The following AGPAT3 variants were observed in gnomAD, a reference collection of about 807,000 sequenced individuals.
The protein encoded by AGPAT3 is 1-acyl-sn-glycerol-3-phosphate acyltransferase gamma.
A neutral mutation model predicts 47.3 loss-of-function variants in AGPAT3; 5 were observed. The observed-to-expected ratio is 0.11, with a 90% CI of 0.06 to 0.22. The LOEUF (loss-of-function observed/expected upper bound fraction) is 0.22, where lower values mean the gene tolerates loss of function less well. Ranked by LOEUF, AGPAT3 falls within the 10% of genes least tolerant of loss-of-function variation. AGPAT3 has a pLI of 1.00. For missense variants in AGPAT3, 315 were observed against 493.0 expected (o/e 0.64, Z 3.42); for synonymous variants, 212 against 208.3 (o/e 1.02, Z -0.15).
chr21:43,923,484 C>G (rs1178927212), intron 2 of AGPAT3, among the ~76,000 whole-genome samples: 1 of 152,218 alleles, frequency 6.6e-6, no homozygotes, highest in Admixed American at 6.5e-5. Flanking sequence ...CAGGCGCCCT[C>G]CAATTCCATT....
intron 1 of AGPAT3, among the ~76,000 whole-genome samples, chr21:43,870,432 C>A (rs547932290): frequency 6.5e-4 from 99 of 152,104 alleles, no homozygotes; most frequent in African/African-American, 2.2e-3. Flanking sequence ...ATTATTGGGT[C>A]CCCGGGTGGT....
intron 1 of AGPAT3, among the ~76,000 whole-genome samples, chr21:43,893,893 C>G (rs548599246): frequency 6.6e-6 from 1 of 152,184 alleles, no homozygotes; most frequent in African/African-American, 2.4e-5. Context: ...GTATAACAAT[C>G]ATGAAAAAGT....
In AGPAT3 at chr21:43,970,540, T is replaced by C; in HGVS notation, c.511-113T>C. ...GCTGCTCGCTAAAGCGGTTCCAAGA[T>C]TTCCACAAATTCAGCCACAACCTTT... is the stretch of plus-strand genomic sequence containing the variant. On this transcript the variant is annotated intron_variant, in intron 5 of 9. Coordinates refer to ENST00000291572, the MANE Select transcript of AGPAT3 (RefSeq NM_020132.5). This position sits in a 1 kb window ranked among gnomAD's most constrained non-coding sequence, Gnocchi z 5.8. 4 of 1,210,426 alleles carry C rather than the reference T, an allele frequency of 3.3e-6. No individual in the cohort carries two copies. The Admixed American group carries it at 7.0e-5, about 21-fold the overall frequency. The allele number at this position is 1,210,426 out of a possible 1,614,324, so 75.0% of individuals were successfully genotyped here.
chr21:43,885,391 CTTT>C (rs113393341), intron 1 of AGPAT3, among the ~76,000 whole-genome samples: 4 of 139,736 alleles, frequency 2.9e-5, no homozygotes, highest in African/African-American at 5.4e-5. Flanking sequence ...TTTCTTTTTT[CTTT>C]TTTTTTTTTT....
In AGPAT3 at chr21:43,934,607, C is replaced by T. The variant is rs938829517; in HGVS notation, c.-48-25027C>T. ...TAGGAGGTGTGCGATGGTGATGGGG[C>T]GGAGGAGGGGACAGCGGGAACCTGT... is the stretch of plus-strand genomic sequence containing the variant. On this transcript the variant is annotated intron_variant, in intron 2 of 9. Coordinates refer to ENST00000291572, the MANE Select transcript of AGPAT3 (RefSeq NM_020132.5). The surrounding 1 kb of genome is among the most constrained non-coding windows in gnomAD (Gnocchi z 4.7). Among the ~76,000 whole-genome samples the T allele has an allele frequency of 3.9e-5, 6 of 151,926 alleles. No individual in the cohort carries two copies. Among genetic ancestry groups the T allele is most frequent in the Non-Finnish European group, 5.9e-5 (4 of 67,964 alleles).
At chr21:43,978,731 C>T (rs1274481377) in intron 8 of AGPAT3, among the ~76,000 whole-genome samples, 1 of 152,180 alleles carries the variant, frequency 6.6e-6, no homozygotes, top group Non-Finnish European at 1.5e-5. Context: ...AAAGACATTA[C>T]AGGTATGTAA....
rs11370715 is a variant in AGPAT3 at position 43,894,217 on chromosome 21, CT to C, written c.-111-9724del. 9.1e-3 allele frequency among the ~76,000 whole-genome samples: 1,273 copies of C among 140,120 alleles called. 5 individuals are homozygous for C. Among genetic ancestry groups the C allele is most frequent in the African/African-American group, 0.02 (743 of 37,850 alleles). The allele number at this position is 140,120 out of a possible 152,430, so 91.9% of individuals were successfully genotyped here. The stretch of plus-strand genomic sequence containing the variant: ...GGGCCAGGTATTTCTTTCTTTCTTT[CT>C]TTTTTTTTTTTTTTTAACTTCTCTA... On this transcript the variant is annotated intron_variant, in intron 1 of 9. Transcript: ENST00000291572.
intron 2 of AGPAT3, among the ~76,000 whole-genome samples, chr21:43,924,660 T>C (rs904741552): frequency 3.9e-5 from 6 of 152,220 alleles, no homozygotes; most frequent in African/African-American, 1.4e-4. Flanking sequence ...CTGTCCTAGC[T>C]GTGGCTCGCT....
rs911889187 is a variant in AGPAT3, at chr21:43,982,158, C to T, written c.1043-146C>T. 1 of 652,750 alleles carries T rather than the reference C, an allele frequency of 1.5e-6. No homozygotes were observed. The highest frequency in any genetic ancestry group is 2.6e-5 in the East Asian group (1 of 37,756). 40.4% of individuals were successfully genotyped at this position (652,750 alleles called of 1,614,324 possible). On this transcript the variant is annotated intron_variant, in intron 9 of 9. Transcript: ENST00000291572. The surrounding 1 kb of genome is among the most constrained non-coding windows in gnomAD (Gnocchi z 6.2). Reference sequence around the variant, plus strand: ...GAGAGGGCTGTCTCCCCGCGGGCCACACCTACTCACTGACAGCAGAGGCCA... The same window carrying T: ...GAGAGGGCTGTCTCCCCGCGGGCCATACCTACTCACTGACAGCAGAGGCCA...
At position 43,932,330 on chromosome 21, in the gene AGPAT3, G is replaced by A. The variant is rs2087278237; in HGVS notation, c.-48-27304G>A. Among the ~76,000 whole-genome samples, 1 of 152,126 alleles carries A rather than the reference G, an allele frequency of 6.6e-6. No homozygotes were observed. Among genetic ancestry groups the A allele is most frequent in the East Asian group, 1.9e-4 (1 of 5,190 alleles). ...CAGTTCTGGTGAGACCTCCGTTTCC[G>A]ATTCCTCGTGTGAGTGAGGTCGTGC... On this transcript the variant is annotated intron_variant, in intron 2 of 9. Coordinates refer to ENST00000291572, the MANE Select transcript of AGPAT3 (RefSeq NM_020132.5). The surrounding 1 kb of genome is among the most constrained non-coding windows in gnomAD (Gnocchi z 5.2).
chr21:43,899,372 A>G (rs1204820335), intron 1 of AGPAT3, among the ~76,000 whole-genome samples: 2 of 152,150 alleles, frequency 1.3e-5, no homozygotes, highest in Non-Finnish European at 2.9e-5. Context: ...GGTTGCTTCT[A>G]AGATCAAAAT....
chr21:43,981,277 C>T lies in AGPAT3; in HGVS notation c.1042+90C>T. The T allele has an allele frequency of 7.1e-7, 1 of 1,406,056 alleles. No homozygotes were observed. Among genetic ancestry groups the T allele is most frequent in the Non-Finnish European group, 1.0e-6 (1 of 1,001,882 alleles). The allele number at this position is 1,406,056 out of a possible 1,614,324, so 87.1% of individuals were successfully genotyped here. On this transcript the variant is annotated intron_variant, in intron 9 of 9. Transcript: ENST00000291572. The surrounding 1 kb of genome is among the most constrained non-coding windows in gnomAD (Gnocchi z 5.3). ...GGGACCTGGTGACTCATCACAGTGG[C>T]TGTGGGAGGCAGGGGCCTGGCTGTT...
At chr21:43,969,006 G>T in intron 4 of AGPAT3, 112 bp from the exon 5 acceptor site, 1 of 1,176,858 alleles carries the variant, frequency 8.5e-7, no homozygotes. Context: ...CCACAAAGCC[G>T]TGACTCCTAG....
intron 3 of AGPAT3, among the ~76,000 whole-genome samples, chr21:43,962,074 C>A (rs1023168750): frequency 1.0e-4 from 15 of 150,254 alleles, no homozygotes; most frequent in African/African-American, 3.7e-4. Context: ...GATCTCGGCT[C>A]ACTGCAAGCT....
chr21:43,936,080 C>T (rs1001744100), intron 2 of AGPAT3, among the ~76,000 whole-genome samples: 4 of 152,216 alleles, frequency 2.6e-5, no homozygotes, highest in Admixed American at 6.5e-5. Flanking sequence ...ACCTGCAGCT[C>T]GGGCACCCCT....
chr21:43,974,021 G>A (rs1281718950), intron 7 of AGPAT3, among the ~76,000 whole-genome samples: 2 of 152,046 alleles, frequency 1.3e-5, no homozygotes, highest in African/African-American at 4.8e-5. Flanking sequence ...CATAATGTAT[G>A]TAACAGACAT....
In AGPAT3 at chr21:43,954,308, G is replaced by C. The variant is rs746075068; in HGVS notation, c.-48-5326G>C. Among the ~76,000 whole-genome samples the C allele has an allele frequency of 6.6e-6, 1 of 152,212 alleles. No homozygotes were observed. The highest frequency in any genetic ancestry group is 1.9e-4 in the East Asian group (1 of 5,194). On this transcript the variant is annotated intron_variant, in intron 2 of 9. Transcript: ENST00000291572. This position sits in a 1 kb window ranked among gnomAD's most constrained non-coding sequence, Gnocchi z 4.0. Reference sequence around the variant, plus strand: ...AGGTTTATCAAGGAGGTCCAGGCGGGCTGGGTGTGGGGAGGTGGAACAGGG... The same window carrying C: ...AGGTTTATCAAGGAGGTCCAGGCGGCCTGGGTGTGGGGAGGTGGAACAGGG...
rs573058183 is a variant in AGPAT3 at position 43,893,030 on chromosome 21, G to A, written c.-111-10927G>A. The stretch of plus-strand genomic sequence containing the variant: ...GGATTGCTTGAGCCCAGGAGGCAGA[G>A]GTTGCAGTGAGCTGAGATCATGGCA... On this transcript the variant is annotated intron_variant, in intron 1 of 9. Coordinates refer to ENST00000291572, the MANE Select transcript of AGPAT3 (RefSeq NM_020132.5). Among the ~76,000 whole-genome samples, 3 of 152,306 alleles carry A rather than the reference G, an allele frequency of 2.0e-5. No individual in the cohort carries two copies. In the South Asian group the frequency reaches 6.2e-4, roughly 32 times the overall value.
intron 7 of AGPAT3, among the ~76,000 whole-genome samples, chr21:43,977,214 A>G (rs1460005118): frequency 2.0e-5 from 3 of 152,218 alleles, no homozygotes; most frequent in Non-Finnish European, 4.4e-5. Flanking sequence ...GAGTGTCCAG[A>G]CAGAAATCAG....
Sources: allele counts gnomAD v4.1 joint callset (sites outside exome capture counted in the v4.1 genomes callset), GRCh38; gene constraint gnomAD v4.1.1; non-coding constraint Gnocchi (gnomAD v3.1); transcripts MANE v1.5; gene names NCBI Gene and HGNC (gene_info 2026-07-23, HGNC 2026-07-21).